The following CSMD1 variants were observed in gnomAD, a reference collection of about 807,000 sequenced individuals.
CSMD1 encodes the protein CUB and sushi domain-containing protein 1.
CSMD1 carries 213 observed loss-of-function variants against 417.5 expected under a neutral mutation model. The ratio of observed to expected loss-of-function variants is 0.51; its 90% CI spans 0.46 to 0.57. CSMD1 has a LOEUF of 0.57. Among genes scored for constraint, CSMD1 ranks in the 20% least tolerant of loss-of-function variants. The pLI is 0.00. For missense variants in CSMD1, 6,923 were observed against 4,529.7 expected (o/e 1.53, Z -15.17); for synonymous variants, 2,862 against 1,736.8 (o/e 1.65, Z -16.11).
At chr8:4,777,369 G>A (rs1796906321) in intron 1 of CSMD1, among the ~76,000 whole-genome samples, 1 of 152,146 alleles carries the variant, frequency 6.6e-6, no homozygotes, top group Non-Finnish European at 1.5e-5. Context: ...CTGGTTTTGA[G>A]CTTGGGGATG....
intron 2 of CSMD1, among the ~76,000 whole-genome samples, chr8:4,580,310 G>C (rs865849547): frequency 6.6e-6 from 1 of 152,050 alleles, no homozygotes; most frequent in Non-Finnish European, 1.5e-5. Flanking sequence ...TTTATTTCCA[G>C]GAAGGTACAT....
chr8:4,605,793 C>T (rs1320782370), intron 2 of CSMD1, among the ~76,000 whole-genome samples: 1 of 152,192 alleles, frequency 6.6e-6, no homozygotes, highest in Non-Finnish European at 1.5e-5. Context: ...CGGTCCAATG[C>T]TCTCAAACAC....
chr8:3,304,732 TTTTAA>T (rs1211478576), intron 25 of CSMD1, among the ~76,000 whole-genome samples: 22 of 150,922 alleles, frequency 1.5e-4, no homozygotes, highest in Admixed American at 1.5e-3. Context: ...ATTTTTCTCT[TTTTAA>T]TTTTTTTTAT....
intron 5 of CSMD1, among the ~76,000 whole-genome samples, chr8:3,822,568 A>C (rs997919879): frequency 6.6e-6 from 1 of 152,148 alleles, no homozygotes; most frequent in Non-Finnish European, 1.5e-5. Context: ...CGCCTCTATC[A>C]CTTCATGGGT....
intron 5 of CSMD1, among the ~76,000 whole-genome samples, chr8:3,946,809 G>C (rs1422882084): frequency 6.6e-6 from 1 of 151,974 alleles, no homozygotes; most frequent in African/African-American, 2.4e-5. Flanking sequence ...TACTAAATCT[G>C]TCATATTTTA....
At chr8:3,689,534 G>T (rs142012032) in intron 7 of CSMD1, among the ~76,000 whole-genome samples, 11 of 152,242 alleles carry the variant, frequency 7.2e-5, no homozygotes, top group African/African-American at 2.4e-4. Flanking sequence ...TCTTTTCCCG[G>T]AGGAGCCATT....
chr8:4,683,933 G>A (rs1325936623), intron 1 of CSMD1, among the ~76,000 whole-genome samples: 4 of 152,206 alleles, frequency 2.6e-5, no homozygotes, highest in African/African-American at 9.6e-5. Flanking sequence ...TCATATACAA[G>A]AAGAGTTTTT....
At chr8:4,441,096 T>TTTTTTTTTTG (rs1798446897) in intron 2 of CSMD1, among the ~76,000 whole-genome samples, 1 of 55,614 alleles carries the variant, frequency 1.8e-5, no homozygotes, top group Non-Finnish European at 3.3e-5. Flanking sequence ...AATCAAAAGG[T>TTTTTTTTTTG]TTTTTTTTTT....
At chr8:4,183,429 C>A (rs1335357521) in intron 3 of CSMD1, among the ~76,000 whole-genome samples, 3 of 152,166 alleles carry the variant, frequency 2.0e-5, no homozygotes, top group Non-Finnish European at 4.4e-5. Context: ...CTGTGGGTCA[C>A]AGCTTGTCAA....
chr8:3,797,714 C>A (rs776407742), intron 5 of CSMD1, among the ~76,000 whole-genome samples: 1 of 151,914 alleles, frequency 6.6e-6, no homozygotes, highest in South Asian at 2.1e-4. Flanking sequence ...ACAAACAAAG[C>A]TGCTATACAT....
chr8:3,924,113 C>A (rs534763789), intron 5 of CSMD1, among the ~76,000 whole-genome samples: 1 of 152,116 alleles, frequency 6.6e-6, no homozygotes, highest in African/African-American at 2.4e-5. Flanking sequence ...CTTGTTGATG[C>A]GGGAAAATCT....
intron 11 of CSMD1, among the ~76,000 whole-genome samples, chr8:3,485,921 C>T (rs775285310): frequency 6.6e-6 from 1 of 151,886 alleles, no homozygotes; most frequent in Non-Finnish European, 1.5e-5. Flanking sequence ...AAAACATTTC[C>T]ACTGGAGATC....
chr8:3,477,083 T>C (rs549769756), intron 11 of CSMD1, among the ~76,000 whole-genome samples: 2 of 152,214 alleles, frequency 1.3e-5, no homozygotes, highest in Non-Finnish European at 2.9e-5. Context: ...CATAGATCTG[T>C]ACACACAGAA....
At chr8:3,882,932 C>T (rs181608816) in intron 5 of CSMD1, among the ~76,000 whole-genome samples, 163 of 152,210 alleles carry the variant, frequency 1.1e-3, no homozygotes, top group African/African-American at 3.8e-3. Context: ...TGCATCTTGG[C>T]CTTGTACTGA....
At chr8:3,338,125 A>C (rs1807393256) in intron 23 of CSMD1, among the ~76,000 whole-genome samples, 1 of 152,180 alleles carries the variant, frequency 6.6e-6, no homozygotes, top group African/African-American at 2.4e-5. Flanking sequence ...CCCCTTGAGG[A>C]GTCTGTCATC....
intron 3 of CSMD1, among the ~76,000 whole-genome samples, chr8:4,361,231 C>T (rs1801740639): frequency 6.6e-6 from 1 of 151,960 alleles, no homozygotes; most frequent in South Asian, 2.1e-4. Context: ...ACCTAAGTTA[C>T]TCAAAAAGCA....
At chr8:4,670,379 T>C (rs1027745366) in intron 1 of CSMD1, among the ~76,000 whole-genome samples, 4 of 152,142 alleles carry the variant, frequency 2.6e-5, no homozygotes, top group Admixed American at 2.0e-4. Context: ...GAAATACATG[T>C]TCTCCTAATA....
chr8:3,460,792 G>A (rs1816451499), intron 12 of CSMD1, among the ~76,000 whole-genome samples: 1 of 152,174 alleles, frequency 6.6e-6, no homozygotes, highest in Non-Finnish European at 1.5e-5. Context: ...TTCCCCGGCT[G>A]CTAGACAATG....
At chr8:3,172,819 C>G (rs1052879694) in intron 37 of CSMD1, among the ~76,000 whole-genome samples, 1 of 152,174 alleles carries the variant, frequency 6.6e-6, no homozygotes, top group Non-Finnish European at 1.5e-5. Flanking sequence ...TCCATTGAAA[C>G]CCTTTCCCAC....
Sources: allele counts gnomAD v4.1 joint callset (sites outside exome capture counted in the v4.1 genomes callset), GRCh38; gene constraint gnomAD v4.1.1; transcripts MANE v1.5; gene names NCBI Gene and HGNC (gene_info 2026-07-23, HGNC 2026-07-21).